The following EML4 variants were observed in gnomAD, a reference collection of about 807,000 sequenced individuals.
EML4 encodes the protein EMAP like 4.
A neutral mutation model predicts 129.0 loss-of-function variants in EML4; 72 were observed. That is an observed-to-expected ratio of 0.56 (90% CI 0.46 to 0.68). EML4 has a LOEUF of 0.68. EML4 is among the 30% of genes least tolerant of loss of function. The pLI, the probability that EML4 is intolerant of heterozygous loss-of-function variation, is 0.00. For synonymous variants in EML4, 532 were observed against 405.0 expected (o/e 1.31, Z -3.77); for missense variants, 1,363 against 1,190.6 (o/e 1.14, Z -2.13).
chr2:42,220,338 T>C (rs1558513176), intron 1 of EML4, among the ~76,000 whole-genome samples: 1 of 151,804 alleles, frequency 6.6e-6, no homozygotes, highest in Non-Finnish European at 1.5e-5. Context: ...ACCCACTTCA[T>C]CTGTGTCACG....
Position 42,312,700 on chromosome 2 carries a change from C to T in EML4, c.1968-3262C>T, listed in dbSNP as rs1444483970. ...TCCCAAGTAGCTGGGACTACAGGCG[C>T]GTGCCACCATGCCTGGCTAATTTTT... On this transcript the variant is annotated intron_variant, in intron 17 of 22. Coordinates refer to ENST00000318522, the MANE Select transcript of EML4 (RefSeq NM_019063.5). Among the ~76,000 whole-genome samples the T allele has an allele frequency of 2.6e-5, 4 of 151,816 alleles. No individual in the cohort carries two copies. The South Asian group carries it at 6.2e-4, about 24-fold the overall frequency.
At chr2:42,296,358 AGGTAAT>A (rs922862897) in intron 13 of EML4, among the ~76,000 whole-genome samples, 1 of 151,992 alleles carries the variant, frequency 6.6e-6, no homozygotes, top group African/African-American at 2.4e-5. Context: ...GTAAGAAAGG[AGGTAAT>A]GGGGAAATCA....
chr2:42,205,272 C>G (rs1054034083), intron 1 of EML4, among the ~76,000 whole-genome samples: 19 of 152,172 alleles, frequency 1.2e-4, no homozygotes, highest in African/African-American at 4.6e-4. Context: ...GATGTGATCA[C>G]TGATACAATT....
chr2:42,187,553 T>C (rs1392775621), intron 1 of EML4, among the ~76,000 whole-genome samples: 1 of 152,210 alleles, frequency 6.6e-6, no homozygotes, highest in East Asian at 1.9e-4. Context: ...CAGTTGCTAT[T>C]AGTTTTGGCT....
chr2:42,326,010 C>G (rs1415499435), intron 20 of EML4, 144 bp from the exon 21 acceptor site: 4 of 1,156,240 alleles, frequency 3.5e-6, no homozygotes, highest in South Asian at 4.6e-5. Flanking sequence ...TGAACACTTT[C>G]TTTTCCTTTT....
At chr2:42,317,755 T>G (rs557977631) in intron 19 of EML4, among the ~76,000 whole-genome samples, 1 of 152,370 alleles carries the variant, frequency 6.6e-6, no homozygotes, top group East Asian at 1.9e-4. Flanking sequence ...GTGACTAGTT[T>G]TAAAACAGTT....
intron 1 of EML4, among the ~76,000 whole-genome samples, chr2:42,205,178 C>G (rs1200793644): frequency 2.0e-5 from 3 of 152,118 alleles, no homozygotes; most frequent in Admixed American, 2.0e-4. Flanking sequence ...AAGTTTGCCT[C>G]TTAGATTACA....
chr2:42,310,788 TAAA>T (rs1445597206), intron 17 of EML4, among the ~76,000 whole-genome samples: 1 of 152,244 alleles, frequency 6.6e-6, no homozygotes, highest in East Asian at 1.9e-4. Context: ...GAGTGAAACT[TAAA>T]AAACATTTTT....
chr2:42,217,035 A>C (rs950291277), intron 1 of EML4, among the ~76,000 whole-genome samples: 5 of 152,174 alleles, frequency 3.3e-5, no homozygotes, highest in African/African-American at 4.8e-5. Flanking sequence ...GTAATAAAAC[A>C]TTTTTGTTAA....
intron 11 of EML4, 78 bp from the exon 12 acceptor site, chr2:42,295,047 T>C: frequency 7.7e-7 from 1 of 1,290,422 alleles, no homozygotes; most frequent in Non-Finnish European, 1.0e-6. Flanking sequence ...TCGTTAATTG[T>C]AAGTAGCAGT....
At chr2:42,301,499 AATTTC>A (rs1668285307) in intron 14 of EML4, 107 bp downstream of exon 14, 1 of 895,874 alleles carries the variant, frequency 1.1e-6, no homozygotes, top group Non-Finnish European at 1.6e-6. Flanking sequence ...AAATTCTTAT[AATTTC>A]ATTTCCTTTC....
At chr2:42,273,438 T>C (rs1666483724) in intron 6 of EML4, among the ~76,000 whole-genome samples, 1 of 152,194 alleles carries the variant, frequency 6.6e-6, no homozygotes, top group Non-Finnish European at 1.5e-5. Flanking sequence ...AAGAGAAATC[T>C]GATTAAAGGA....
chr2:42,217,107 A>G (rs1462302957), intron 1 of EML4, among the ~76,000 whole-genome samples: 1 of 152,240 alleles, frequency 6.6e-6, no homozygotes, highest in Non-Finnish European at 1.5e-5. Context: ...TGGACTGAGT[A>G]AATTTTTTAT....
intron 1 of EML4, among the ~76,000 whole-genome samples, chr2:42,240,851 A>G (rs931470478): frequency 6.6e-6 from 1 of 152,178 alleles, no homozygotes. Context: ...GGTAAATAGC[A>G]AACAGATGGC....
chr2:42,261,327 A>G lies in EML4; in HGVS notation c.512+33A>G, dbSNP rs754435861. On this transcript the variant is annotated intron_variant, in intron 4 of 22. Coordinates refer to ENST00000318522, the MANE Select transcript of EML4 (RefSeq NM_019063.5). ...CTGTCCCCAAGTACAGAGCTAGGGA[A>G]TGGTTGTAATGATACCTAAATTCTG... is the stretch of plus-strand genomic sequence containing the variant. The G allele has an allele frequency of 1.5e-5, 23 of 1,510,972 alleles. No homozygotes were observed. In the Middle Eastern group the frequency reaches 5.3e-4, roughly 35 times the overall value. The allele number at this position is 1,510,972 out of a possible 1,614,324, so 93.6% of individuals were successfully genotyped here. A position where few individuals can be genotyped will look rare whatever the true frequency, so the allele number is the denominator to read the frequency against.
chr2:42,295,612 A>G (rs1268060469), intron 13 of EML4, 96 bp downstream of exon 13: 1 of 1,062,716 alleles, frequency 9.4e-7, no homozygotes, highest in African/African-American at 1.6e-5. Flanking sequence ...GCTGCAGTGT[A>G]ACAATATGAG....
intron 1 of EML4, among the ~76,000 whole-genome samples, chr2:42,201,312 G>A (rs886331176): frequency 6.6e-6 from 1 of 152,300 alleles, no homozygotes; most frequent in Middle Eastern, 3.4e-3. Context: ...GAAGGAGTTA[G>A]CATTATTATC....
chr2:42,247,583 C>CA (rs976285373), intron 2 of EML4, among the ~76,000 whole-genome samples: 2 of 152,038 alleles, frequency 1.3e-5, no homozygotes, highest in Admixed American at 6.6e-5. Flanking sequence ...TGACAAAGGA[C>CA]AAGGGGCCTG....
intron 1 of EML4, among the ~76,000 whole-genome samples, chr2:42,244,094 G>GTTTTTT (rs898798718): frequency 4.4e-5 from 2 of 44,946 alleles, no homozygotes; most frequent in Non-Finnish European, 1.0e-4. Flanking sequence ...TTTTGTTTTT[G>GTTTTTT]TTTTTTGTTT....
Sources: gnomAD v4.1 joint callset for allele counts (sites outside exome capture counted in the v4.1 genomes callset) on GRCh38, gnomAD v4.1.1 for gene constraint, MANE v1.5 for transcripts, NCBI Gene and HGNC (gene_info 2026-07-23, HGNC 2026-07-21) for gene names.